Variants in PPP2R2C observed in about 807,000 individuals in gnomAD.
PPP2R2C encodes the protein protein phosphatase 2 regulatory subunit Bgamma.
Under a neutral mutation model 45.3 loss-of-function variants are expected in PPP2R2C, and 10 were observed. The ratio of observed to expected loss-of-function variants is 0.22; its 90% CI spans 0.14 to 0.37. The LOEUF (loss-of-function observed/expected upper bound fraction) is 0.37, where lower values mean the gene tolerates loss of function less well. Among genes scored for constraint, PPP2R2C ranks in the 10% least tolerant of loss-of-function variants. The pLI, the probability that PPP2R2C is intolerant of heterozygous loss-of-function variation, is 1.00. For synonymous variants in PPP2R2C, 257 were observed against 245.4 expected (o/e 1.05, Z -0.44); for missense variants, 308 against 619.7 (o/e 0.50, Z 5.34).
At position 6,322,330 on chromosome 4, in the gene PPP2R2C, C is replaced by T. The variant is rs1237926230; in HGVS notation, c.*972G>A. The stretch of plus-strand genomic sequence containing the variant: ...GTGGACAGAGGGGATCCTAAGGGTT[C>T]CCGCTTATCCCCAGCATCCAGCCCA... On this transcript the variant is annotated 3_prime_UTR_variant, in exon 9 of 9. Coordinates refer to ENST00000382599, the MANE Select transcript of PPP2R2C (RefSeq NM_020416.4). This position sits in a 1 kb window ranked among gnomAD's most constrained non-coding sequence, Gnocchi z 7.8. The T allele has an allele frequency of 6.6e-6, 1 of 152,234 alleles. No individual in the cohort carries two copies. Among genetic ancestry groups the T allele is most frequent in the Non-Finnish European group, 1.5e-5 (1 of 68,062 alleles). 9.4% of individuals were successfully genotyped at this position (152,234 alleles called of 1,614,324 possible). A position where few individuals can be genotyped will look rare whatever the true frequency, so the allele number is the denominator to read the frequency against.
intron 2 of PPP2R2C, among the ~76,000 whole-genome samples, chr4:6,520,770 C>A (rs1018522231): frequency 6.6e-6 from 1 of 152,212 alleles, no homozygotes; most frequent in Non-Finnish European, 1.5e-5. Flanking sequence ...AGGCCCACCA[C>A]GTGCCCAGGT....
chr4:6,323,628 A>C, intron 8 of PPP2R2C, 35 bp from the exon 9 acceptor site: 2 of 1,493,590 alleles, frequency 1.3e-6, no homozygotes, highest in South Asian at 1.4e-5. Context: ...GGTGAGGAGG[A>C]GCACAAGCCC....
chr4:6,396,113 C>T (rs576699378), intron 1 of PPP2R2C, among the ~76,000 whole-genome samples: 27 of 152,336 alleles, frequency 1.8e-4, no homozygotes, highest in African/African-American at 6.3e-4. Flanking sequence ...TGGCATGCTG[C>T]CAGCTTCCAC....
chr4:6,384,043 A>T, intron 1 of PPP2R2C: 1 of 985,526 alleles, frequency 1.0e-6, no homozygotes, highest in Non-Finnish European at 1.2e-6. Flanking sequence ...AGATAAGAAA[A>T]GCAGCTCTGT....
chr4:6,542,261 C>G (rs574681299), intron 1 of PPP2R2C, among the ~76,000 whole-genome samples: 46 of 152,346 alleles, frequency 3.0e-4, no homozygotes, highest in African/African-American at 9.9e-4. Context: ...GAGGCAGAAG[C>G]CAGTCCTATG....
intron 1 of PPP2R2C, among the ~76,000 whole-genome samples, chr4:6,412,584 G>C (rs1205350504): frequency 6.6e-6 from 1 of 152,162 alleles, no homozygotes; most frequent in Non-Finnish European, 1.5e-5. Flanking sequence ...GCTGGAAAAG[G>C]CTCCCAACCT....
At chr4:6,371,646 G>C (rs564073888) in intron 5 of PPP2R2C, among the ~76,000 whole-genome samples, 1 of 152,314 alleles carries the variant, frequency 6.6e-6, no homozygotes, top group Admixed American at 6.5e-5. Flanking sequence ...TTTGACACTT[G>C]CTGGCTGTGA....
intron 2 of PPP2R2C, among the ~76,000 whole-genome samples, chr4:6,486,067 T>C (rs1722519270): frequency 6.6e-6 from 1 of 152,016 alleles, no homozygotes. Flanking sequence ...CGACATCTCA[T>C]AGATTTTGAT....
intron 1 of PPP2R2C, among the ~76,000 whole-genome samples, chr4:6,466,966 C>T (rs1184523633): frequency 2.0e-5 from 3 of 152,138 alleles, no homozygotes; most frequent in African/African-American, 7.2e-5. Context: ...GCCTTTTACA[C>T]GTGTAGAACT....
In PPP2R2C at chr4:6,324,553, G is replaced by A. The variant is rs1214522021; in HGVS notation, c.1053-960C>T. Reference sequence around the variant, plus strand: ...GCAGGAGGTAGACATGGAAGCAGCTGGGACAGAAAACCACCAGGCCCTGCT... The same window carrying A: ...GCAGGAGGTAGACATGGAAGCAGCTAGGACAGAAAACCACCAGGCCCTGCT... On this transcript the variant is annotated intron_variant, in intron 8 of 8. Coordinates refer to ENST00000382599, the MANE Select transcript of PPP2R2C (RefSeq NM_020416.4). The surrounding 1 kb of genome is among the most constrained non-coding windows in gnomAD (Gnocchi z 4.1). Among the ~76,000 whole-genome samples the A allele has an allele frequency of 2.6e-5, 4 of 152,210 alleles. No individual in the cohort carries two copies. Among genetic ancestry groups the A allele is most frequent in the Admixed American group, 1.3e-4 (2 of 15,292 alleles).
Position 6,382,621 on chromosome 4 carries a change from G to A in PPP2R2C, c.71-1527C>T, listed in dbSNP as rs892957390. On this transcript the variant is annotated intron_variant, in intron 1 of 8. Transcript: ENST00000382599. ...TCAGGCCCAAGCCTTGGAGTTTCTC[G>A]TTCTCTCTCTCTCTCTCTCTCTCTC... 55 of 567,352 alleles carry A rather than the reference G, an allele frequency of 9.7e-5. No individual in the cohort carries two copies. In the African/African-American group the frequency reaches 1.1e-3, roughly 11 times the overall value. The allele number at this position is 567,352 out of a possible 1,614,324, so 35.1% of individuals were successfully genotyped here.
chr4:6,349,265 G>A (rs1712307715), intron 5 of PPP2R2C: 1 of 985,318 alleles, frequency 1.0e-6, no homozygotes, highest in Admixed American at 6.1e-5. Context: ...TGTGAGCCCT[G>A]GAGTTGGAAG....
chr4:6,428,546 G>C (rs1379178261), intron 1 of PPP2R2C, among the ~76,000 whole-genome samples: 1 of 152,236 alleles, frequency 6.6e-6, no homozygotes, highest in African/African-American at 2.4e-5. Flanking sequence ...TTAAGCATTA[G>C]GGGCCAGGGC....
intron 2 of PPP2R2C, among the ~76,000 whole-genome samples, chr4:6,529,750 C>G (rs1427577959): frequency 6.6e-6 from 1 of 152,172 alleles, no homozygotes; most frequent in East Asian, 1.9e-4. Flanking sequence ...TGCTGTGGCC[C>G]CAGCCACTGA....
intron 2 of PPP2R2C, among the ~76,000 whole-genome samples, chr4:6,510,571 G>A (rs2108800932): frequency 6.6e-6 from 1 of 152,202 alleles, no homozygotes; most frequent in African/African-American, 2.4e-5. Context: ...CACACAAACA[G>A]GCACACACAT....
At chr4:6,496,649 G>A (rs1194897969) in intron 2 of PPP2R2C, among the ~76,000 whole-genome samples, 1 of 152,140 alleles carries the variant, frequency 6.6e-6, no homozygotes, top group African/African-American at 2.4e-5. Flanking sequence ...ATCACCTGAA[G>A]TCAGGAGTTC....
intron 5 of PPP2R2C, among the ~76,000 whole-genome samples, chr4:6,360,967 T>TA (rs1560479637): frequency 6.6e-6 from 1 of 152,182 alleles, no homozygotes; most frequent in Non-Finnish European, 1.5e-5. Flanking sequence ...CACCTCTTCT[T>TA]ATAAGAACAC....
intron 1 of PPP2R2C, among the ~76,000 whole-genome samples, chr4:6,444,684 A>G (rs1720326049): frequency 6.6e-6 from 1 of 152,222 alleles, no homozygotes. Flanking sequence ...GAAGCTGCAC[A>G]TGGAGAGAGA....
intron 2 of PPP2R2C, among the ~76,000 whole-genome samples, chr4:6,478,720 A>G (rs928120414): frequency 6.6e-6 from 1 of 152,196 alleles, no homozygotes; most frequent in Non-Finnish European, 1.5e-5. Context: ...CCTCAGCCGG[A>G]ATGAACTAGA....
Sources: allele counts gnomAD v4.1 joint callset (sites outside exome capture counted in the v4.1 genomes callset), GRCh38; gene constraint gnomAD v4.1.1; non-coding constraint Gnocchi (gnomAD v3.1); transcripts MANE v1.5; gene names NCBI Gene and HGNC (gene_info 2026-07-23, HGNC 2026-07-21).